Variants in SLC8A1 observed in about 807,000 individuals in gnomAD.
SLC8A1 encodes solute carrier family 8 member A1.
In SLC8A1, 18 loss-of-function variants were observed where a neutral mutation model predicts 68.3. The ratio of observed to expected loss-of-function variants is 0.26; its 90% CI spans 0.18 to 0.39. The LOEUF (loss-of-function observed/expected upper bound fraction) is 0.39, where lower values mean the gene tolerates loss of function less well. Ranked by LOEUF, SLC8A1 falls within the 10% of genes least tolerant of loss-of-function variation. The pLI is 1.00. For missense variants in SLC8A1, 985 were observed against 1,156.7 expected (o/e 0.85, Z 2.15); for synonymous variants, 475 against 415.5 (o/e 1.14, Z -1.74).
chr2:40,134,666 T>G (rs780335961), intron 7 of SLC8A1, among the ~76,000 whole-genome samples: 1 of 152,174 alleles, frequency 6.6e-6, no homozygotes, highest in Non-Finnish European at 1.5e-5. Context: ...TAATTTCAAT[T>G]CTTAACTGTC....
intron 2 of SLC8A1, among the ~76,000 whole-genome samples, chr2:40,352,999 C>A (rs748935685): frequency 6.6e-6 from 1 of 152,078 alleles, no homozygotes; most frequent in African/African-American, 2.4e-5. Flanking sequence ...CACACCCCAG[C>A]CTTATTTTTA....
At chr2:40,382,754 A>C (rs1231887598) in intron 2 of SLC8A1, among the ~76,000 whole-genome samples, 1 of 152,112 alleles carries the variant, frequency 6.6e-6, no homozygotes, top group Non-Finnish European at 1.5e-5. Flanking sequence ...GAAAAGCTTT[A>C]ATTGTTCTAC....
chr2:40,481,681 G>A (rs887961454), intron 1 of SLC8A1, among the ~76,000 whole-genome samples: 1 of 152,092 alleles, frequency 6.6e-6, no homozygotes, highest in African/African-American at 2.4e-5. Context: ...TTTTATTCCT[G>A]AAAATACACC....
chr2:40,494,019 T>A (rs1267723344), intron 1 of SLC8A1, among the ~76,000 whole-genome samples: 1 of 151,984 alleles, frequency 6.6e-6, no homozygotes, highest in Non-Finnish European at 1.5e-5. Context: ...ATAAACTTTT[T>A]TTTTTCCTTA....
At chr2:40,378,052 T>A (rs1197524581) in intron 2 of SLC8A1, among the ~76,000 whole-genome samples, 1 of 152,146 alleles carries the variant, frequency 6.6e-6, no homozygotes, top group Non-Finnish European at 1.5e-5. Context: ...AATAACCTGC[T>A]GTATGCAATG....
intron 2 of SLC8A1, among the ~76,000 whole-genome samples, chr2:40,186,230 C>T (rs999579094): frequency 3.3e-5 from 5 of 152,198 alleles, no homozygotes; most frequent in South Asian, 2.1e-4. Flanking sequence ...AAGTCAGTAG[C>T]TCTGTTCATA....
chr2:40,450,961 C>T (rs1376424462), intron 1 of SLC8A1, among the ~76,000 whole-genome samples: 4 of 144,032 alleles, frequency 2.8e-5, no homozygotes, highest in African/African-American at 5.3e-5. Flanking sequence ...ACAGAATCCA[C>T]GGGGTGGTGG....
At chr2:40,216,653 C>T (rs369284769) in intron 2 of SLC8A1, among the ~76,000 whole-genome samples, 10 of 152,230 alleles carry the variant, frequency 6.6e-5, no homozygotes, top group South Asian at 6.2e-4. Flanking sequence ...TCCATTGTGT[C>T]GCCAGTCTCT....
In SLC8A1 at chr2:40,173,475, T is replaced by A. The variant is rs1449781839; in HGVS notation, c.1930+1350A>T. Among the ~76,000 whole-genome samples, 6 of 152,270 alleles carry A rather than the reference T, an allele frequency of 3.9e-5. No individual in the cohort carries two copies. In the South Asian group the frequency reaches 8.3e-4, roughly 21 times the overall value. ...TGTGTCTCAGAGTCTATGAATCATT[T>A]TGTCATTAAATGCCATGTCTAGAGA... is the stretch of plus-strand genomic sequence containing the variant. On this transcript the variant is annotated intron_variant, in intron 4 of 7. Coordinates refer to ENST00000406785, the Ensembl canonical transcript of SLC8A1.
At chr2:40,259,652 T>C (rs1364508162) in intron 2 of SLC8A1, among the ~76,000 whole-genome samples, 3 of 152,060 alleles carry the variant, frequency 2.0e-5, no homozygotes, top group Non-Finnish European at 1.5e-5. Context: ...TCAATCTTTA[T>C]ACCCATAAGA....
At chr2:40,297,821 T>C (rs907718173) in intron 2 of SLC8A1, among the ~76,000 whole-genome samples, 13 of 152,208 alleles carry the variant, frequency 8.5e-5, no homozygotes, top group Non-Finnish European at 4.4e-5. Context: ...GCTACTATTA[T>C]AAAATGTTAA....
chr2:40,190,611 C>T (rs2051610088), intron 2 of SLC8A1: 1 of 152,202 alleles, frequency 6.6e-6, no homozygotes, highest in Admixed American at 6.5e-5. Context: ...CATCATTGTC[C>T]GTCACGCTGA....
chr2:40,441,313 A>G (rs977506885), intron 1 of SLC8A1, among the ~76,000 whole-genome samples: 5 of 151,580 alleles, frequency 3.3e-5, no homozygotes, highest in Non-Finnish European at 7.4e-5. Context: ...GTTCATGGAT[A>G]GGAACAATCA....
Position 40,178,378 on chromosome 2 carries a change from C to T in SLC8A1, c.1809-523G>A, listed in dbSNP as rs1166277144. 5 of 1,611,282 alleles carry T rather than the reference C, an allele frequency of 3.1e-6. No homozygotes were observed. The highest frequency in any genetic ancestry group is 3.4e-6 in the Non-Finnish European group (4 of 1,177,718). On this transcript the variant is annotated intron_variant, in intron 2 of 7. Transcript: ENST00000406785. ...GCTGTTGGGCTCAGCCCTGGAGCAG[C>T]TCCCCCACCTTTCTTCTCACTCATC...
At chr2:40,403,673 T>G (rs532988640) in intron 2 of SLC8A1, among the ~76,000 whole-genome samples, 1 of 152,360 alleles carries the variant, frequency 6.6e-6, no homozygotes, top group African/African-American at 2.4e-5. Flanking sequence ...CCTCTATTAA[T>G]ACTCAGCTAA....
intron 2 of SLC8A1, among the ~76,000 whole-genome samples, chr2:40,260,227 G>C (rs1294907924): frequency 6.6e-6 from 1 of 151,938 alleles, no homozygotes; most frequent in Non-Finnish European, 1.5e-5. Context: ...TTCACAACCT[G>C]TTCATTTAAC....
At chr2:40,197,891 A>G (rs1363639652) in intron 2 of SLC8A1, among the ~76,000 whole-genome samples, 1 of 36,030 alleles carries the variant, frequency 2.8e-5, no homozygotes, top group Non-Finnish European at 9.8e-5. Flanking sequence ...AGCTCCAGGG[A>G]AGAATGACTG....
chr2:40,333,468 A>C (rs1313343969), intron 2 of SLC8A1, among the ~76,000 whole-genome samples: 1 of 151,700 alleles, frequency 6.6e-6, no homozygotes, highest in Non-Finnish European at 1.5e-5. Context: ...AGAAAAAAAA[A>C]AAGAAAAAAG....
At chr2:40,239,006 T>A (rs183210929) in intron 2 of SLC8A1, among the ~76,000 whole-genome samples, 49 of 152,168 alleles carry the variant, frequency 3.2e-4, no homozygotes, top group Admixed American at 1.0e-3. Context: ...ATTCTATTAT[T>A]GAGGCAGTAT....
Sources: gnomAD v4.1 joint callset for allele counts (sites outside exome capture counted in the v4.1 genomes callset) on GRCh38, gnomAD v4.1.1 for gene constraint, MANE v1.5 for transcripts, NCBI Gene and HGNC (gene_info 2026-07-23, HGNC 2026-07-21) for gene names.